IGLL5: variants seen among roughly 807,000 people sequenced by gnomAD.
IGLL5 encodes the protein immunoglobulin lambda like polypeptide 5.
In IGLL5, 30 loss-of-function variants were observed where a neutral mutation model predicts 20.9. The ratio of observed to expected loss-of-function variants is 1.44; its 90% CI spans 1.07 to 1.95. IGLL5 has a LOEUF of 1.95. Among genes scored for constraint, IGLL5 ranks in the 30% most tolerant of loss-of-function variants. IGLL5 has a pLI of 0.00. For synonymous variants in IGLL5, 203 were observed against 117.3 expected, an observed-to-expected ratio of 1.73 and a Z score of -4.72; for missense variants, 475 against 270.7, an observed-to-expected ratio of 1.75 and a Z score of -5.30.
chr22:22,892,778 G>C (rs200968441), intron 1 of IGLL5, among the ~76,000 whole-genome samples: 4 of 151,080 alleles, frequency 2.6e-5, no homozygotes, highest in East Asian at 4.1e-4. Flanking sequence ...ATGAGGGTCA[G>C]ATGCAGAGAA....
At chr22:22,890,491 A>T (rs2067802736) in intron 1 of IGLL5, among the ~76,000 whole-genome samples, 1 of 147,294 alleles carries the variant, frequency 6.8e-6, no homozygotes, top group South Asian at 2.2e-4. Context: ...AGCAAAGTTT[A>T]GATGAGCCAG....
intron 1 of IGLL5, among the ~76,000 whole-genome samples, chr22:22,893,157 T>C (rs777541844): frequency 2.6e-5 from 4 of 151,060 alleles, no homozygotes; most frequent in East Asian, 2.0e-4. Context: ...GGAAGGATGA[T>C]AGATTGATGG....
intron 2 of IGLL5, among the ~76,000 whole-genome samples, chr22:22,894,544 T>A (rs189100829): frequency 6.6e-6 from 1 of 151,386 alleles, no homozygotes; most frequent in Admixed American, 6.6e-5. Flanking sequence ...GTCTCTCTGT[T>A]CACGGATCGG....
rs1480953942 is a variant in IGLL5, at chr22:22,895,524, G to A, written c.475G>A (p.Ala159Thr). The A allele has an allele frequency of 1.2e-6, 2 of 1,612,752 alleles. No homozygotes were observed. The highest frequency in any genetic ancestry group is 1.7e-6 in the Non-Finnish European group (2 of 1,179,648). ...GAAGGCAGATGGCAGCCCCGTCAAG[G>A]CGGGAGTGGAGACCACCAAACCCTC... ...AWKADGSPVK[A>T]GVETTKPSKQ... Residue 159 changes from alanine to threonine, a missense_variant, in exon 3 of 3, where the codon GCG becomes ACG. Physicochemically the swap from Ala to Thr is moderately conservative, Grantham distance 58. Transcript: ENST00000526893.
chr22:22,895,413 C>T lies in IGLL5; in HGVS notation c.364C>T (p.Pro122Ser). ...CAACCCCACTGTCACTCTGTTCCCG[C>T]CCTCCTCTGAGGAGCTCCAAGCCAA... ...KANPTVTLFP[P>S]SSEELQANKA... Residue 122 changes from proline to serine, a missense_variant, in exon 3 of 3, where the codon CCC (proline) becomes TCC (serine). Pro to Ser is a moderately conservative substitution (Grantham distance 74, BLOSUM62 -1). Coordinates refer to ENST00000526893, the MANE Select transcript of IGLL5 (RefSeq NM_001178126.2). 1 of 1,612,984 alleles carries T rather than the reference C, an allele frequency of 6.2e-7. No homozygotes were observed. The highest frequency in any genetic ancestry group is 8.5e-7 in the Non-Finnish European group (1 of 1,179,542).
intron 2 of IGLL5, among the ~76,000 whole-genome samples, chr22:22,894,649 T>G (rs541282858): frequency 2.0e-5 from 3 of 148,064 alleles, no homozygotes; most frequent in East Asian, 2.2e-4. Context: ...CCAGGTGAAG[T>G]TTGGGGTCAT....
intron 2 of IGLL5, 139 bp from the exon 3 acceptor site, chr22:22,895,236 G>C: frequency 1.3e-6 from 1 of 772,644 alleles, no homozygotes; most frequent in Non-Finnish European, 2.2e-6. Flanking sequence ...GGAAAGGATG[G>C]GGAAAGAAGA....
chr22:22,894,626 A>G lies in IGLL5; in HGVS notation c.326-749A>G, dbSNP rs892745236. 3.0e-4 allele frequency among the ~76,000 whole-genome samples: 45 copies of G among 150,978 alleles called. 1 individual carries two copies. Among genetic ancestry groups the G allele is most frequent in the African/African-American group, 1.0e-3 (42 of 41,180 alleles). On this transcript the variant is annotated intron_variant, in intron 2 of 2. Coordinates refer to ENST00000526893, the MANE Select transcript of IGLL5 (RefSeq NM_001178126.2). ...AGGGGAGTGAATGAGGGGTGCAGAG[A>G]ACTCCATGGCTACCAGGTGAAGTTT... is the stretch of plus-strand genomic sequence containing the variant.
rs2067953946 is a variant in IGLL5, at chr22:22,893,944, C to T, written c.325+126C>T. 5.3e-6 allele frequency: 4 copies of T among 750,858 alleles called. 1 individual carries two copies. Among genetic ancestry groups the T allele is most frequent in the East Asian group, 2.6e-5 (1 of 39,100 alleles). The allele number at this position is 750,858 out of a possible 1,614,324, so 46.5% of individuals were successfully genotyped here. A position where few individuals can be genotyped will look rare whatever the true frequency, so the allele number is the denominator to read the frequency against. ...TTAAGCACTGACCCTTACCTTTCTC[C>T]ATGGGGCCTGGAGGAGGTGCATTAG... On this transcript the variant is annotated intron_variant, in intron 2 of 2. Coordinates refer to ENST00000526893, the MANE Select transcript of IGLL5 (RefSeq NM_001178126.2).
intron 1 of IGLL5, among the ~76,000 whole-genome samples, chr22:22,888,546 G>A (rs181507178): frequency 6.6e-6 from 1 of 151,388 alleles, no homozygotes; most frequent in East Asian, 2.0e-4. Flanking sequence ...CTAGTCCTCT[G>A]GGTAGGGAAG....
rs1460805176 is a variant in IGLL5 at position 22,895,402 on chromosome 22, C to A, written c.353C>A (p.Thr118Asn). The A allele has an allele frequency of 6.2e-7, 1 of 1,612,970 alleles. No individual in the cohort carries two copies. Among genetic ancestry groups the A allele is most frequent in the South Asian group, 1.1e-5 (1 of 91,026 alleles). ...CAGCCCAAGGCCAACCCCACTGTCACTCTGTTCCCGCCCTCCTCTGAGGAG... is the reference window on the plus strand; with the variant it reads ...CAGCCCAAGGCCAACCCCACTGTCAATCTGTTCCCGCCCTCCTCTGAGGAG... ...LGQPKANPTV[T>N]LFPPSSEELQ... The change falls in exon 3 of 3, where the codon ACT (threonine) becomes AAT (asparagine). Residue 118 changes from threonine to asparagine, a missense_variant. Transcript: ENST00000526893.
chr22:22,889,366 T>A (rs571532358), intron 1 of IGLL5, among the ~76,000 whole-genome samples: 1 of 151,176 alleles, frequency 6.6e-6, no homozygotes, highest in Admixed American at 6.6e-5. Context: ...ATAACCATTT[T>A]AGCAACAGGC....
chr22:22,890,575 GT>G (rs2067808392), intron 1 of IGLL5, among the ~76,000 whole-genome samples: 2 of 140,128 alleles, frequency 1.4e-5, no homozygotes, highest in African/African-American at 2.6e-5. Flanking sequence ...GTGTGTGTGT[GT>G]GTGTGTGTGT....
chr22:22,894,046 A>G lies in IGLL5; in HGVS notation c.325+228A>G, dbSNP rs563385565. 1.5e-4 allele frequency among the ~76,000 whole-genome samples: 23 copies of G among 150,902 alleles called. 1 individual carries two copies. Among genetic ancestry groups the G allele is most frequent in the South Asian group, 6.4e-4 (3 of 4,696 alleles). On this transcript the variant is annotated intron_variant, in intron 2 of 2. Transcript: ENST00000526893. Reference sequence around the variant, plus strand: ...GCCTGGTCCCGGGGCCTGAGCTGGGATTGGGCAGGGTCAGGGCTCCTCCTC... The same window carrying G: ...GCCTGGTCCCGGGGCCTGAGCTGGGGTTGGGCAGGGTCAGGGCTCCTCCTC...
chr22:22,888,167 G>C lies in IGLL5; in HGVS notation c.114G>C (p.Leu38=), dbSNP rs556230331. 6.5e-6 allele frequency: 10 copies of C among 1,549,114 alleles called. No homozygotes were observed. The highest frequency in any genetic ancestry group is 4.9e-5 in the East Asian group (2 of 40,626). Residue 38 remains leucine (L), a synonymous_variant, in exon 1 of 3, where the codon CTG becomes CTC. Coordinates refer to ENST00000526893, the MANE Select transcript of IGLL5 (RefSeq NM_001178126.2). ...LLGLAMVAHG[L]LRPMVAPQSG... ...GTCTGGCCATGGTCGCCCATGGCCT[G>C]CTGCGCCCAATGGTTGCACCGCAAA...
intron 1 of IGLL5, among the ~76,000 whole-genome samples, chr22:22,889,400 T>C (rs1031541729): frequency 3.5e-4 from 53 of 151,170 alleles, no homozygotes; most frequent in African/African-American, 1.2e-3. Context: ...ACAAAGTGTG[T>C]TTATCTAAAC....
At chr22:22,894,885 C>G (rs2066705313) in intron 2 of IGLL5, among the ~76,000 whole-genome samples, 2 of 151,382 alleles carry the variant, frequency 1.3e-5, no homozygotes, top group South Asian at 2.1e-4. Flanking sequence ...GGATAGGAAG[C>G]TCCAGTTCAA....
chr22:22,892,274 A>T (rs2067872329), intron 1 of IGLL5, among the ~76,000 whole-genome samples: 1 of 150,934 alleles, frequency 6.6e-6, no homozygotes, highest in Non-Finnish European at 1.5e-5. Flanking sequence ...TCTTCTGCAC[A>T]TGTCTTAAAT....
chr22:22,896,083 T>C lies in IGLL5; in HGVS notation c.*389T>C. On this transcript the variant is annotated 3_prime_UTR_variant, in exon 3 of 3. Coordinates refer to ENST00000526893, the MANE Select transcript of IGLL5 (RefSeq NM_001178126.2). ...CCCACACCCTCCTAAATTTTACTTCTCAATAAATACCTGATCATGTAAAAC... is the reference window on the plus strand; with the variant it reads ...CCCACACCCTCCTAAATTTTACTTCCCAATAAATACCTGATCATGTAAAAC... The C allele has an allele frequency of 2.7e-6, 1 of 366,616 alleles. No individual in the cohort carries two copies. Among genetic ancestry groups the C allele is most frequent in the East Asian group, 6.5e-5 (1 of 15,374 alleles). 22.7% of individuals were successfully genotyped at this position (366,616 alleles called of 1,614,324 possible). A position where few individuals can be genotyped will look rare whatever the true frequency, so the allele number is the denominator to read the frequency against.
Sources: gnomAD v4.1 joint callset for allele counts (sites outside exome capture counted in the v4.1 genomes callset) on GRCh38, gnomAD v4.1.1 for gene constraint, MANE v1.5 for transcripts, NCBI Gene and HGNC (gene_info 2026-07-23, HGNC 2026-07-21) for gene names.